Variants in KNTC1 observed in about 807,000 individuals in gnomAD.
The protein encoded by KNTC1 is kinetochore-associated protein 1.
KNTC1 carries 253 observed loss-of-function variants against 314.4 expected under a neutral mutation model. The observed-to-expected ratio is 0.80, with a 90% confidence interval of 0.73 to 0.89. The LOEUF is 0.89. Ranked by LOEUF, KNTC1 falls within the 40% of genes least tolerant of loss-of-function variation. KNTC1 has a pLI of 0.00. For synonymous variants in KNTC1, 901 were observed against 901.4 expected (o/e 1.00, Z 0.01); for missense variants, 2,475 against 2,572.9 (o/e 0.96, Z 0.82).
At chr12:122,559,197 A>T (rs11615145) in intron 18 of KNTC1, among the ~76,000 whole-genome samples, 47,223 of 151,762 alleles carry the variant, frequency 0.31, 8,771 homozygotes, top group Admixed American at 0.4. Flanking sequence ...AATACAAAAA[A>T]TACAAAAAAT....
intron 5 of KNTC1, among the ~76,000 whole-genome samples, chr12:122,541,778 T>C (rs1009086970): frequency 1.3e-5 from 2 of 151,600 alleles, no homozygotes; most frequent in Non-Finnish European, 2.9e-5. Flanking sequence ...CCCAGCACTT[T>C]GGGAGGCTGA....
Position 122,534,738 on chromosome 12 carries a change from A to T in KNTC1, c.204A>T (p.Ile68=), listed in dbSNP as rs765518041. The part of the protein sequence containing the change: ...GFIIVADQSV[I]LLDSICRSLQ... ...TTATTGTAGCCGACCAATCAGTGATATTGCTTGACAGTATTTGTAGATCAC... is the reference window on the plus strand; with the variant it reads ...TTATTGTAGCCGACCAATCAGTGATTTTGCTTGACAGTATTTGTAGATCAC... Residue 68 remains isoleucine (I), a synonymous_variant, in exon 3 of 64, where the codon ATA becomes ATT. Coordinates refer to ENST00000333479, the MANE Select transcript of KNTC1 (RefSeq NM_014708.6). The T allele has an allele frequency of 6.2e-7, 1 of 1,611,940 alleles. No homozygotes were observed. Among genetic ancestry groups the T allele is most frequent in the Non-Finnish European group, 8.5e-7 (1 of 1,178,406 alleles).
rs781381041 is a variant in KNTC1 at position 122,601,583 on chromosome 12, A to C, written c.4611A>C (p.Ile1537=). ...TGATTGAAGTTGTCTTGAAAGTTAT[A>C]GAACGAGCTGATGAAAAGATAACCA... The part of the protein sequence containing the change: ...YEMIEVVLKV[I]ERADEKITNI... The change falls in exon 45 of 64, where the codon ATA becomes ATC. Residue 1537 remains isoleucine, a synonymous_variant. Transcript: ENST00000333479. 9.8e-6 allele frequency: 15 copies of C among 1,538,044 alleles called. No homozygotes were observed. The East Asian group carries it at 3.2e-4, about 33-fold the overall frequency.
intron 20 of KNTC1, among the ~76,000 whole-genome samples, chr12:122,567,799 C>T (rs538452474): frequency 6.6e-6 from 1 of 152,182 alleles, no homozygotes; most frequent in East Asian, 1.9e-4. Context: ...GATTGTGCCA[C>T]TTCACTGCAG....
Position 122,549,651 on chromosome 12 carries a change from C to G in KNTC1, c.988-115C>G, listed in dbSNP as rs141850804. On this transcript the variant is annotated intron_variant, in intron 12 of 63. Transcript: ENST00000333479. ...AAAGTGCTGGGATTATAGGCATGAG[C>G]CACCACGCCCAGCCGCTCCCATGTG... 1.6e-3 allele frequency: 994 copies of G among 638,614 alleles called. 7 individuals carry two copies. In the African/African-American group the frequency reaches 0.017, roughly 11 times the overall value. The allele number at this position is 638,614 out of a possible 1,614,324, so 39.6% of individuals were successfully genotyped here. A position where few individuals can be genotyped will look rare whatever the true frequency, so the allele number is the denominator to read the frequency against.
intron 7 of KNTC1, 147 bp downstream of exon 7, chr12:122,543,781 A>G (rs1349800506): frequency 1.6e-6 from 1 of 610,516 alleles, no homozygotes; most frequent in Non-Finnish European, 2.7e-6. Context: ...ATTTAAAAAT[A>G]CATTTATGCC....
At chr12:122,616,878 G>A (rs186967037) in intron 57 of KNTC1, among the ~76,000 whole-genome samples, 1 of 152,158 alleles carries the variant, frequency 6.6e-6, no homozygotes, top group East Asian at 1.9e-4. Flanking sequence ...ATATCCATTA[G>A]CAATCATTCC....
intron 34 of KNTC1, 28 bp from the exon 35 acceptor site, chr12:122,584,250 A>G (rs768058211): frequency 1.9e-6 from 3 of 1,551,764 alleles, no homozygotes; most frequent in South Asian, 2.3e-5. Flanking sequence ...TGAGTATTCT[A>G]ACTACCAATA....
intron 2 of KNTC1, 45 bp downstream of exon 2, chr12:122,530,237 G>T: frequency 1.3e-6 from 2 of 1,581,712 alleles, no homozygotes; most frequent in South Asian, 2.3e-5. Context: ...AATTTTTACT[G>T]AGTGCTTAGT....
At chr12:122,580,779 A>G (rs1565981101) in intron 33 of KNTC1, 109 bp downstream of exon 33, 4 of 614,218 alleles carry the variant, frequency 6.5e-6, no homozygotes, top group Non-Finnish European at 1.1e-5. Flanking sequence ...CTGTAATCCC[A>G]GCACTTTGGG....
intron 51 of KNTC1, among the ~76,000 whole-genome samples, 178 bp downstream of exon 51, chr12:122,605,593 TGGA>T (rs1425380941): frequency 1.3e-5 from 2 of 152,222 alleles, no homozygotes; most frequent in Non-Finnish European, 2.9e-5. Flanking sequence ...TTGCCCAGGC[TGGA>T]GTGTAATGGC....
chr12:122,544,338 G>A, intron 8 of KNTC1, 69 bp downstream of exon 8: 2 of 754,028 alleles, frequency 2.7e-6, no homozygotes, highest in Non-Finnish European at 4.4e-6. Flanking sequence ...TTTTTGTTTT[G>A]GTTAAATTGC....
In KNTC1 at chr12:122,584,392, G is replaced by C. The variant is rs767264872; in HGVS notation, c.3378G>C (p.Leu1126=). 1 of 1,613,506 alleles carries C rather than the reference G, an allele frequency of 6.2e-7. No homozygotes were observed. Among genetic ancestry groups the C allele is most frequent in the African/African-American group, 1.3e-5 (1 of 75,042 alleles). Residue 1126 remains leucine (L), a synonymous_variant, in exon 35 of 64, where the codon CTG becomes CTC. Coordinates refer to ENST00000333479, the MANE Select transcript of KNTC1 (RefSeq NM_014708.6). ...TCCCAGTGACAGTGCCTGTGGGACT[G>C]AATCTTCCTTCCATGATACATGATC... ...DNVPVTVPVG[L]NLPSMIHDLA... is the part of the protein sequence containing the mutation.
intron 12 of KNTC1, among the ~76,000 whole-genome samples, chr12:122,548,219 AT>A: frequency 6.6e-6 from 1 of 152,018 alleles, no homozygotes; most frequent in South Asian, 2.1e-4. Flanking sequence ...TATTATTATT[AT>A]TTTTTTGAGA....
Position 122,607,720 on chromosome 12 carries a change from C to T in KNTC1, c.5497-1664C>T, listed in dbSNP as rs1872701012. The stretch of plus-strand genomic sequence containing the variant: ...TAGGATGATACAATATTCCATTCCT[C>T]TTCCAACTCCTTTCCTCTACCCCTG... On this transcript the variant is annotated intron_variant, in intron 51 of 63. Transcript: ENST00000333479. Among the ~76,000 whole-genome samples the T allele has an allele frequency of 1.3e-5, 2 of 152,168 alleles. 1 individual carries two copies. The highest frequency in any genetic ancestry group is 4.1e-4 in the South Asian group (2 of 4,830).
rs1565944663 is a variant in KNTC1, at chr12:122,549,872, T to C, written c.1086+8T>C. ...CAAACAGGAATTAGCACAGTAAGTT[T>C]ATTTGCATTTTAAAGTATTCTTTTA... On this transcript the variant is annotated splice_region_variant and intron_variant, in intron 13 of 63. Transcript: ENST00000333479. The C allele has an allele frequency of 7.0e-7, 1 of 1,435,242 alleles. No individual in the cohort carries two copies. Among genetic ancestry groups the C allele is most frequent in the Non-Finnish European group, 9.7e-7 (1 of 1,034,368 alleles). 88.9% of individuals were successfully genotyped at this position (1,435,242 alleles called of 1,614,324 possible).
intron 20 of KNTC1, among the ~76,000 whole-genome samples, chr12:122,565,008 G>T (rs1039934801): frequency 6.6e-6 from 1 of 152,070 alleles, no homozygotes; most frequent in African/African-American, 2.4e-5. Context: ...GGCTTCCAAA[G>T]CACCTTTTCC....
In KNTC1 at chr12:122,577,681, T is replaced by C; in HGVS notation, c.2731T>C (p.Cys911Arg). Residue 911 changes from cysteine (C) to arginine (R), a missense_variant, in exon 31 of 64, where the codon TGT (cysteine) becomes CGT (arginine). Coordinates refer to ENST00000333479, the MANE Select transcript of KNTC1 (RefSeq NM_014708.6). ...DLIDREQGED[C>R]LLLLKSLPPA... ...CAAACCCTGTTTATAGGGTGAAGACTGTCTCCTTCTGTTGAAGTCTTTGCC... is the reference window on the plus strand; with the variant it reads ...CAAACCCTGTTTATAGGGTGAAGACCGTCTCCTTCTGTTGAAGTCTTTGCC... The C allele has an allele frequency of 1.2e-6, 2 of 1,613,628 alleles. No homozygotes were observed. The highest frequency in any genetic ancestry group is 1.7e-6 in the Non-Finnish European group (2 of 1,179,710).
Position 122,597,769 on chromosome 12 carries a change from T to A in KNTC1, c.4394T>A (p.Phe1465Tyr), listed in dbSNP as rs530384725. The change falls in exon 44 of 64, where the codon TTC becomes TAC. Residue 1465 changes from phenylalanine (F) to tyrosine (Y), a missense_variant. Coordinates refer to ENST00000333479, the MANE Select transcript of KNTC1 (RefSeq NM_014708.6). ...GACTGCGATGCAGTTCTTCAGCTCT[T>A]CATTGAAACGCTGCTCCACAACACA... The part of the protein sequence containing the change: ...QLDCDAVLQL[F>Y]IETLLHNTNA... The A allele has an allele frequency of 6.2e-7, 1 of 1,613,980 alleles. No homozygotes were observed. Among genetic ancestry groups the A allele is most frequent in the South Asian group, 1.1e-5 (1 of 91,082 alleles).
Sources: gnomAD v4.1 joint callset for allele counts (sites outside exome capture counted in the v4.1 genomes callset) on GRCh38, gnomAD v4.1.1 for gene constraint, MANE v1.5 for transcripts, NCBI Gene and HGNC (gene_info 2026-07-23, HGNC 2026-07-21) for gene names.